SLC25A37: variants seen among roughly 807,000 people sequenced by gnomAD.
SLC25A37 encodes the protein mitoferrin-1.
Under a neutral mutation model 31.0 loss-of-function variants are expected in SLC25A37, and 17 were observed. The observed-to-expected ratio is 0.55, with a 90% confidence interval of 0.38 to 0.82. SLC25A37 has a LOEUF of 0.82. Ranked by LOEUF, SLC25A37 falls within the 40% of genes least tolerant of loss-of-function variation. The pLI is 0.00. For missense variants in SLC25A37, 404 were observed against 465.8 expected (o/e 0.87, Z 1.22); for synonymous variants, 222 against 193.0 (o/e 1.15, Z -1.24).
intron 1 of SLC25A37, among the ~76,000 whole-genome samples, chr8:23,538,716 C>T (rs1445312829): frequency 2.0e-5 from 3 of 152,146 alleles, no homozygotes; most frequent in Non-Finnish European, 2.9e-5. Flanking sequence ...TCAAAGTAAG[C>T]GTGCTTCCTA....
At chr8:23,535,716 C>T (rs145909715) in intron 1 of SLC25A37, among the ~76,000 whole-genome samples, 753 of 152,302 alleles carry the variant, frequency 4.9e-3, no homozygotes, top group Admixed American at 7.8e-3. Flanking sequence ...TTCCACGTGG[C>T]TGGGAAGGCC....
chr8:23,538,249 T>G (rs1180069843), intron 1 of SLC25A37, among the ~76,000 whole-genome samples: 3 of 151,034 alleles, frequency 2.0e-5, no homozygotes, highest in African/African-American at 7.3e-5. Context: ...GGCGTGGTGG[T>G]GGGTGCCTGT....
At chr8:23,547,451 C>G (rs1160565360) in intron 1 of SLC25A37, among the ~76,000 whole-genome samples, 2 of 152,194 alleles carry the variant, frequency 1.3e-5, no homozygotes, top group African/African-American at 4.8e-5. Context: ...AAACACTTGT[C>G]TACATCTTAA....
intron 1 of SLC25A37, among the ~76,000 whole-genome samples, chr8:23,558,101 A>C (rs1038949071): frequency 2.0e-5 from 3 of 152,206 alleles, no homozygotes; most frequent in Admixed American, 6.5e-5. Context: ...AGTAGATTTC[A>C]CATGATCGTC....
At chr8:23,544,609 G>C (rs923148410) in intron 1 of SLC25A37, among the ~76,000 whole-genome samples, 21 of 152,154 alleles carry the variant, frequency 1.4e-4, no homozygotes, top group African/African-American at 3.9e-4. Context: ...GAGGAGTTGG[G>C]AAAGGCCCCC....
In SLC25A37 at chr8:23,571,443, C is replaced by T; in HGVS notation, c.605C>T (p.Thr202Ile). The change falls in exon 4 of 4, where the codon ACC becomes ATC. Residue 202 changes from threonine (T) to isoleucine (I), a missense_variant. Physicochemically the swap from Thr to Ile is moderately conservative, Grantham distance 89. This residue lies in a region of SLC25A37 where 243 missense variants were observed against 284.4 expected (regional missense o/e 0.85). Coordinates refer to ENST00000519973, the MANE Select transcript of SLC25A37 (RefSeq NM_016612.4). The part of the protein sequence containing the change: ...EGLGAFYRSY[T>I]TQLTMNIPFQ... ...TTGGGGGCCTTCTACCGGAGCTACA[C>T]CACGCAGCTGACCATGAACATCCCC... The T allele has an allele frequency of 6.2e-7, 1 of 1,614,030 alleles. No individual in the cohort carries two copies. The highest frequency in any genetic ancestry group is 8.5e-7 in the Non-Finnish European group (1 of 1,179,896).
intron 1 of SLC25A37, among the ~76,000 whole-genome samples, chr8:23,536,250 A>G (rs936414403): frequency 3.3e-5 from 5 of 152,096 alleles, no homozygotes; most frequent in Non-Finnish European, 4.4e-5. Flanking sequence ...TGCACCCCCA[A>G]TGTTTCTTCC....
rs1490463333 is a variant in SLC25A37 at position 23,572,090 on chromosome 8, T to G, written c.*235T>G. 8.2e-6 allele frequency: 4 copies of G among 490,492 alleles called. No homozygotes were observed. Among genetic ancestry groups the G allele is most frequent in the Non-Finnish European group, 1.4e-5 (4 of 277,216 alleles). The allele number at this position is 490,492 out of a possible 1,614,324, so 30.4% of individuals were successfully genotyped here. ...CTTGGGAAGGGGAGCGAGAAATTGC[T>G]TTTTCTCTTCCTCCCTGGGCAGAAT... On this transcript the variant is annotated 3_prime_UTR_variant, in exon 4 of 4. Transcript: ENST00000519973.
chr8:23,566,521 CAT>C (rs1802665171), intron 2 of SLC25A37, 185 bp downstream of exon 2: 14 of 1,351,464 alleles, frequency 1.0e-5, no homozygotes, highest in Non-Finnish European at 1.3e-5. Context: ...CGCGCACACA[CAT>C]GCTTTTTTCT....
At chr8:23,551,859 G>A (rs1241586211) in intron 1 of SLC25A37, among the ~76,000 whole-genome samples, 1 of 152,184 alleles carries the variant, frequency 6.6e-6, no homozygotes, top group Non-Finnish European at 1.5e-5. Flanking sequence ...GAAACTGAAA[G>A]GTGTGTTGGG....
intron 1 of SLC25A37, among the ~76,000 whole-genome samples, chr8:23,546,885 G>A (rs1210963303): frequency 6.6e-6 from 1 of 151,878 alleles, no homozygotes; most frequent in Non-Finnish European, 1.5e-5. Context: ...TATTATGGGG[G>A]TTGGGGTGCA....
chr8:23,558,932 G>A (rs1057234462), intron 1 of SLC25A37, among the ~76,000 whole-genome samples: 3 of 152,158 alleles, frequency 2.0e-5, no homozygotes, highest in African/African-American at 4.8e-5. Flanking sequence ...ACCTGCCTCC[G>A]GCCTGCTCCC....
chr8:23,533,245 G>A (rs1801696910), intron 1 of SLC25A37, among the ~76,000 whole-genome samples: 1 of 152,172 alleles, frequency 6.6e-6, no homozygotes, highest in Non-Finnish European at 1.5e-5. Flanking sequence ...AAATTGGGGA[G>A]GGGCAGGCTG....
intron 1 of SLC25A37, among the ~76,000 whole-genome samples, chr8:23,545,874 T>C (rs7464081): frequency 0.37 from 56,762 of 151,932 alleles, 12,218 homozygotes; most frequent in East Asian, 0.61. Flanking sequence ...CGGTGGCTCA[T>C]GCCTGTAATT....
chr8:23,571,712 C>G lies in SLC25A37; in HGVS notation c.874C>G (p.Leu292Val). Residue 292 changes from leucine (L) to valine (V), a missense_variant, in exon 4 of 4, where the codon CTC becomes GTC. Leu to Val is a conservative substitution (Grantham distance 32, BLOSUM62 1). Around this residue, in one of 3 missense-constraint regions of SLC25A37, gnomAD observed 243 missense variants for 284.4 expected, o/e 0.85. Transcript: ENST00000519973. ...MANAFRTVYQ[L>V]NGLAGYFKGI... The stretch of plus-strand genomic sequence containing the variant: ...CAATGCCTTCCGGACGGTGTACCAG[C>G]TCAACGGCCTGGCCGGCTACTTCAA... 1 of 1,614,048 alleles carries G rather than the reference C, an allele frequency of 6.2e-7. No individual in the cohort carries two copies. The highest frequency in any genetic ancestry group is 8.5e-7 in the Non-Finnish European group (1 of 1,179,914).
At position 23,573,511 on chromosome 8, in the gene SLC25A37, C is replaced by T. The variant is rs959070608; in HGVS notation, c.*1656C>T. 6.4e-5 allele frequency: 15 copies of T among 233,538 alleles called. No homozygotes were observed. Among genetic ancestry groups the T allele is most frequent in the Non-Finnish European group, 1.2e-4 (13 of 111,000 alleles). The allele number at this position is 233,538 out of a possible 1,614,324, so 14.5% of individuals were successfully genotyped here. ...CGGGTCCTGACCTGCCGCCACCCAT[C>T]ACGGTCAGCGTGGTGCATCTTACCG... On this transcript the variant is annotated 3_prime_UTR_variant, in exon 4 of 4. Transcript: ENST00000519973.
At chr8:23,563,913 G>A (rs1319142118) in intron 1 of SLC25A37, among the ~76,000 whole-genome samples, 4 of 152,116 alleles carry the variant, frequency 2.6e-5, no homozygotes, top group Non-Finnish European at 4.4e-5. Flanking sequence ...CGTGGCAGGC[G>A]GAGGTTGCAG....
At chr8:23,535,972 C>T (rs890755833) in intron 1 of SLC25A37, among the ~76,000 whole-genome samples, 3 of 152,134 alleles carry the variant, frequency 2.0e-5, no homozygotes, top group Non-Finnish European at 2.9e-5. Flanking sequence ...GGGACGCAGC[C>T]AAACCATATC....
intron 1 of SLC25A37, among the ~76,000 whole-genome samples, chr8:23,537,792 C>G (rs977323908): frequency 6.6e-6 from 1 of 152,150 alleles, no homozygotes; most frequent in African/African-American, 2.4e-5. Context: ...GCCCATTCTT[C>G]GTGGTGCCTG....
Sources: allele counts gnomAD v4.1 joint callset (sites outside exome capture counted in the v4.1 genomes callset), GRCh38; gene constraint gnomAD v4.1.1; regional missense constraint gnomAD v4.1.1; transcripts MANE v1.5; gene names NCBI Gene and HGNC (gene_info 2026-07-23, HGNC 2026-07-21).